The following WDPCP variants were observed in gnomAD, a reference collection of about 807,000 sequenced individuals.
The protein encoded by WDPCP is WD repeat-containing and planar cell polarity effector protein fritz homolog.
In WDPCP, 71 loss-of-function variants were observed where a neutral mutation model predicts 93.1. That is an observed-to-expected ratio of 0.76 (90% CI 0.63 to 0.93). The LOEUF (loss-of-function observed/expected upper bound fraction) is 0.93, where lower values mean the gene tolerates loss of function less well. WDPCP is among the 40% of genes least tolerant of loss of function. The pLI, the probability that WDPCP is intolerant of heterozygous loss-of-function variation, is 0.00. For synonymous variants in WDPCP, 315 were observed against 315.0 expected (o/e 1.00, Z 0.00); for missense variants, 844 against 887.4 (o/e 0.95, Z 0.62).
At chr2:63,761,826 T>G (rs1384957725) in intron 2 of WDPCP, among the ~76,000 whole-genome samples, 1 of 152,178 alleles carries the variant, frequency 6.6e-6, no homozygotes, top group Non-Finnish European at 1.5e-5. Flanking sequence ...ATACTTTGTA[T>G]CCTTCAATCC....
chr2:63,344,087 T>TAA (rs2104483509), intron 12 of WDPCP, among the ~76,000 whole-genome samples: 1 of 152,342 alleles, frequency 6.6e-6, no homozygotes, highest in East Asian at 1.9e-4. Context: ...TTCCTGCTTT[T>TAA]AAACTTTTGT....
chr2:63,196,674 GT>G (rs1235606177), intron 14 of WDPCP, among the ~76,000 whole-genome samples: 6 of 152,118 alleles, frequency 3.9e-5, no homozygotes, highest in Admixed American at 3.9e-4. Context: ...CAGCAGACAA[GT>G]TCTCAGCCAC....
chr2:63,784,356 G>T (rs1455259181), intron 2 of WDPCP, among the ~76,000 whole-genome samples: 1 of 152,070 alleles, frequency 6.6e-6, no homozygotes, highest in Non-Finnish European at 1.5e-5. Flanking sequence ...GTTGCCTTAG[G>T]TCAGCTGGCA....
At chr2:63,806,671 G>A (rs1670772121) in intron 2 of WDPCP, among the ~76,000 whole-genome samples, 1 of 152,080 alleles carries the variant, frequency 6.6e-6, no homozygotes, top group Admixed American at 6.6e-5. Flanking sequence ...CCCGGGGAGG[G>A]GGTCAGTTCA....
chr2:63,223,682 C>T (rs1678027961), intron 14 of WDPCP, among the ~76,000 whole-genome samples: 1 of 152,122 alleles, frequency 6.6e-6, no homozygotes, highest in South Asian at 2.1e-4. Context: ...TGCTTCTAAA[C>T]TATTTAATCC....
At chr2:63,598,028 A>C (rs1709351080) in intron 3 of WDPCP, 1 of 152,344 alleles carries the variant, frequency 6.6e-6, no homozygotes, top group South Asian at 2.1e-4. Context: ...CTCTTGAAGA[A>C]TTGAGTCAGT....
rs147702892 is a variant in WDPCP, at chr2:63,655,144, C to T, written n.309-4306G>A. On this transcript the variant is annotated intron_variant and non_coding_transcript_variant, in intron 2 of 4. Coordinates refer to the WDPCP transcript ENST00000467687. ...GTGGGTCTGCCCAATTGCAAAGGGG[C>T]CAGGAAATGTTAAAAAGCAAATGGG... 1.5e-3 allele frequency among the ~76,000 whole-genome samples: 235 copies of T among 152,170 alleles called. 1 individual carries two copies. The highest frequency in any genetic ancestry group is 2.6e-3 in the Non-Finnish European group (174 of 68,000).
intron 13 of WDPCP, among the ~76,000 whole-genome samples, chr2:63,285,158 A>T (rs7608966): frequency 3.9e-5 from 6 of 152,250 alleles, no homozygotes; most frequent in South Asian, 2.1e-4. Context: ...AGGTTGGGTG[A>T]GGTGGCTCAT....
chr2:63,484,521 T>C, intron 6 of WDPCP, 83 bp downstream of exon 6: 1 of 1,548,342 alleles, frequency 6.5e-7, no homozygotes, highest in Non-Finnish European at 8.9e-7. Flanking sequence ...GTCCATTACC[T>C]AACATAACAC....
Position 63,121,769 on chromosome 2 carries a change from A to T in WDPCP, c.*237T>A. The T allele has an allele frequency of 1.9e-6, 2 of 1,067,664 alleles. No individual in the cohort carries two copies. Among genetic ancestry groups the T allele is most frequent in the East Asian group, 3.0e-5 (1 of 32,858 alleles). The allele number at this position is 1,067,664 out of a possible 1,614,324, so 66.1% of individuals were successfully genotyped here. A position where few individuals can be genotyped will look rare whatever the true frequency, so the allele number is the denominator to read the frequency against. ...CAATTTAAGACACTTTCAAAATTTTACATTATTGAAAATAAGTAGGTTGAA... is the reference window on the plus strand; with the variant it reads ...CAATTTAAGACACTTTCAAAATTTTTCATTATTGAAAATAAGTAGGTTGAA... On this transcript the variant is annotated 3_prime_UTR_variant, in exon 18 of 18. Transcript: ENST00000272321.
chr2:63,433,641 T>G, intron 9 of WDPCP, 104 bp downstream of exon 9: 1 of 1,206,578 alleles, frequency 8.3e-7, no homozygotes, highest in Non-Finnish European at 1.1e-6. Flanking sequence ...TTGAAAAACA[T>G]AAATTATAGG....
At chr2:63,426,630 A>G (rs758196001) in intron 9 of WDPCP, among the ~76,000 whole-genome samples, 1 of 152,210 alleles carries the variant, frequency 6.6e-6, no homozygotes, top group Non-Finnish European at 1.5e-5. Flanking sequence ...ACTATAAAGC[A>G]ACTACACATC....
intron 17 of WDPCP, among the ~76,000 whole-genome samples, chr2:63,126,306 A>G (rs767977663): frequency 2.0e-5 from 3 of 152,202 alleles, no homozygotes; most frequent in Admixed American, 1.3e-4. Context: ...TACTATTTGC[A>G]TGTGTTAAAA....
intron 14 of WDPCP, among the ~76,000 whole-genome samples, chr2:63,201,263 G>C (rs1476073630): frequency 6.6e-6 from 1 of 152,038 alleles, no homozygotes; most frequent in Non-Finnish European, 1.5e-5. Flanking sequence ...GGCCTCCCCA[G>C]CCATGCTTCC....
chr2:63,535,034 T>C (rs1452778307), intron 1 of WDPCP, among the ~76,000 whole-genome samples: 1 of 152,168 alleles, frequency 6.6e-6, no homozygotes, highest in East Asian at 1.9e-4. Flanking sequence ...AAAATCAATG[T>C]GCAAAAATCA....
At chr2:63,773,061 C>T (rs1024410318) in intron 2 of WDPCP, among the ~76,000 whole-genome samples, 2 of 151,908 alleles carry the variant, frequency 1.3e-5, no homozygotes, top group African/African-American at 4.8e-5. Flanking sequence ...TTAGAGAAAC[C>T]ATTAGCATTG....
intron 1 of WDPCP, among the ~76,000 whole-genome samples, chr2:63,825,336 G>C (rs1473691618): frequency 6.6e-6 from 1 of 152,066 alleles, no homozygotes; most frequent in Non-Finnish European, 1.5e-5. Flanking sequence ...TATTCATTAC[G>C]GTGATATCTT....
intron 14 of WDPCP, among the ~76,000 whole-genome samples, chr2:63,230,172 G>C (rs1372769131): frequency 6.8e-6 from 1 of 146,430 alleles, no homozygotes; most frequent in Non-Finnish European, 1.5e-5. Flanking sequence ...ACTTATGAGT[G>C]AGAACATGCA....
chr2:63,318,402 A>G (rs747625778), intron 12 of WDPCP, among the ~76,000 whole-genome samples: 2 of 152,234 alleles, frequency 1.3e-5, no homozygotes, highest in African/African-American at 2.4e-5. Flanking sequence ...TCAACCCAGC[A>G]ATCCCATTAC....
Sources: allele counts gnomAD v4.1 joint callset (sites outside exome capture counted in the v4.1 genomes callset), GRCh38; gene constraint gnomAD v4.1.1; transcripts MANE v1.5; gene names NCBI Gene and HGNC (gene_info 2026-07-23, HGNC 2026-07-21).